Variants in PRKAG2 observed in about 807,000 individuals in gnomAD.
PRKAG2 encodes protein kinase AMP-activated non-catalytic subunit gamma 2, also known as 5'-AMP-activated protein kinase subunit gamma-2.
A neutral mutation model predicts 69.6 loss-of-function variants in PRKAG2; 26 were observed. The observed-to-expected ratio is 0.37, with a 90% CI of 0.27 to 0.52. PRKAG2 has a LOEUF of 0.52. PRKAG2 is among the 20% of genes least tolerant of loss of function. PRKAG2 has a pLI of 0.90. For synonymous variants in PRKAG2, 293 were observed against 285.0 expected, an observed-to-expected ratio of 1.03 and a Z score of -0.28; for missense variants, 557 against 740.0, an observed-to-expected ratio of 0.75 and a Z score of 2.87.
chr7:151,602,543 C>A (rs933144066), intron 5 of PRKAG2, among the ~76,000 whole-genome samples: 1 of 152,084 alleles, frequency 6.6e-6, no homozygotes, highest in African/African-American at 2.4e-5. Flanking sequence ...GTGTTGATTT[C>A]TAAATTATTT....
chr7:151,715,017 ATTT>A lies in PRKAG2; in HGVS notation c.467-39383_467-39381del, dbSNP rs111586277. Among the ~76,000 whole-genome samples, 335 of 142,874 alleles carry A rather than the reference ATTT, an allele frequency of 2.3e-3. 1 individual carries two copies. The highest frequency in any genetic ancestry group is 8.0e-3 in the African/African-American group (311 of 38,766). 93.7% of individuals were successfully genotyped at this position (142,874 alleles called of 152,430 possible). ...GTTAAATTCTACCCAATTAAAAGCA[ATTT>A]TTTTTTTTTTTTGAGATGGAGTTTC... On this transcript the variant is annotated intron_variant, in intron 3 of 15. Coordinates refer to ENST00000287878, the MANE Select transcript of PRKAG2 (RefSeq NM_016203.4).
intron 2 of PRKAG2, 59 bp downstream of exon 2, chr7:151,786,411 T>C: frequency 6.7e-7 from 1 of 1,498,748 alleles, no homozygotes; most frequent in Non-Finnish European, 9.2e-7. Flanking sequence ...GCTCAGGCTC[T>C]GCCTGCCTCC....
At chr7:151,563,953 TC>T in intron 14 of PRKAG2, 124 bp downstream of exon 14, 2 of 1,292,088 alleles carry the variant, frequency 1.5e-6, no homozygotes, top group South Asian at 2.5e-5. Flanking sequence ...GGGAATCCCA[TC>T]GACTGAACCT....
chr7:151,642,025 C>CT lies in PRKAG2; in HGVS notation c.685-9888dup, dbSNP rs1336729406. 8.2e-4 allele frequency among the ~76,000 whole-genome samples: 86 copies of CT among 104,266 alleles called. No homozygotes were observed. In the Middle Eastern group the frequency reaches 0.022, roughly 26 times the overall value. 68.4% of individuals were successfully genotyped at this position (104,266 alleles called of 152,430 possible). On this transcript the variant is annotated intron_variant, in intron 4 of 15. Coordinates refer to ENST00000287878, the MANE Select transcript of PRKAG2 (RefSeq NM_016203.4). ...CCTGGGCAACATAGGGAGACCCCAT[C>CT]TTTAAAAAAAAAAAAAAAAAAAAAA...
intron 3 of PRKAG2, among the ~76,000 whole-genome samples, chr7:151,733,674 G>T (rs1452886227): frequency 6.6e-6 from 1 of 151,720 alleles, no homozygotes; most frequent in African/African-American, 2.4e-5. Flanking sequence ...CCTGCTCAGG[G>T]CTGGGTGTCC....
At chr7:151,726,797 A>G (rs889447381) in intron 3 of PRKAG2, among the ~76,000 whole-genome samples, 2 of 152,124 alleles carry the variant, frequency 1.3e-5, no homozygotes, top group Admixed American at 6.6e-5. Flanking sequence ...CTGGCTACAC[A>G]AGGGTGTTCA....
chr7:151,695,894 C>T (rs1390191028), intron 3 of PRKAG2, among the ~76,000 whole-genome samples: 1 of 152,158 alleles, frequency 6.6e-6, no homozygotes, highest in East Asian at 1.9e-4. Context: ...AAACCGTAGG[C>T]ACTGTGTCCT....
At chr7:151,760,928 C>T (rs554564556) in intron 3 of PRKAG2, among the ~76,000 whole-genome samples, 90 of 152,208 alleles carry the variant, frequency 5.9e-4, no homozygotes, top group African/African-American at 1.7e-3. Flanking sequence ...AGGATGGCTT[C>T]GTGGCATGAA....
At chr7:151,618,427 T>C (rs982268326) in intron 5 of PRKAG2, among the ~76,000 whole-genome samples, 1 of 150,290 alleles carries the variant, frequency 6.7e-6, no homozygotes, top group Non-Finnish European at 1.5e-5. Context: ...CACTCTAGCC[T>C]GGGCAATAAG....
chr7:151,806,554 G>A, intron 1 of PRKAG2: 1 of 170,148 alleles, frequency 5.9e-6, no homozygotes, highest in South Asian at 1.3e-4. Context: ...AGGAAGGCTG[G>A]TACCAGGAGT....
At chr7:151,846,690 G>A (rs2079440276) in intron 1 of PRKAG2, among the ~76,000 whole-genome samples, 1 of 152,142 alleles carries the variant, frequency 6.6e-6, no homozygotes, top group African/African-American at 2.4e-5. Flanking sequence ...GTGGATGAGT[G>A]TTTGGACGTG....
intron 7 of PRKAG2, 36 bp from the exon 8 acceptor site, chr7:151,574,985 T>C (rs2151035140): frequency 1.9e-6 from 3 of 1,609,558 alleles, no homozygotes; most frequent in Non-Finnish European, 2.5e-6. Context: ...AATAAAACCA[T>C]GAAAACATTT....
chr7:151,669,938 A>ACAC (rs1362823720), intron 4 of PRKAG2, among the ~76,000 whole-genome samples: 152 of 142,086 alleles, frequency 1.1e-3, no homozygotes, highest in Non-Finnish European at 1.4e-3. Context: ...CTGTGCACAC[A>ACAC]CTTGCATGTA....
intron 1 of PRKAG2, among the ~76,000 whole-genome samples, chr7:151,873,324 C>T (rs940605151): frequency 1.3e-5 from 2 of 152,236 alleles, no homozygotes; most frequent in African/African-American, 4.8e-5. Context: ...TCTCTAAACA[C>T]ATCAGGCCAC....
intron 3 of PRKAG2, among the ~76,000 whole-genome samples, chr7:151,677,065 A>C (rs1833062236): frequency 1.3e-5 from 2 of 152,312 alleles, no homozygotes; most frequent in South Asian, 4.1e-4. Context: ...GCTAAATTTT[A>C]GTTGTTTTAA....
intron 4 of PRKAG2, among the ~76,000 whole-genome samples, chr7:151,633,569 C>G (rs1825194968): frequency 6.6e-6 from 1 of 151,726 alleles, no homozygotes; most frequent in Non-Finnish European, 1.5e-5. Context: ...TCATAGCATA[C>G]AAGATCAACA....
chr7:151,730,794 G>A (rs911944394), intron 3 of PRKAG2, among the ~76,000 whole-genome samples: 1 of 152,186 alleles, frequency 6.6e-6, no homozygotes, highest in Non-Finnish European at 1.5e-5. Context: ...GCCATGGCAC[G>A]CAGTATTGGG....
intron 6 of PRKAG2, 110 bp from the exon 7 acceptor site, chr7:151,576,562 A>C: frequency 7.3e-6 from 7 of 957,750 alleles, no homozygotes; most frequent in African/African-American, 1.6e-5. Flanking sequence ...GTGCAGTGGC[A>C]CCATCTTGGC....
At chr7:151,573,333 G>GTTT (rs57854174) in intron 8 of PRKAG2, among the ~76,000 whole-genome samples, 18 of 82,840 alleles carry the variant, frequency 2.2e-4, no homozygotes, top group Non-Finnish European at 2.5e-4. Flanking sequence ...ATTTTTGTGG[G>GTTT]TTTTTTTTTT....
Sources: gnomAD v4.1 joint callset for allele counts (sites outside exome capture counted in the v4.1 genomes callset) on GRCh38, gnomAD v4.1.1 for gene constraint, MANE v1.5 for transcripts, NCBI Gene and HGNC (gene_info 2026-07-23, HGNC 2026-07-21) for gene names.